The following MDM1 variants were observed in gnomAD, a reference collection of about 807,000 sequenced individuals.
The protein encoded by MDM1 is stabilizer of axonemal microtubules 6.
Under a neutral mutation model 89.1 loss-of-function variants are expected in MDM1, and 61 were observed. That is an observed-to-expected ratio of 0.68 (90% CI 0.56 to 0.85). MDM1 has a LOEUF of 0.85. Among genes scored for constraint, MDM1 ranks in the 40% least tolerant of loss-of-function variants. MDM1 has a pLI of 0.00. For synonymous variants in MDM1, 290 were observed against 294.1 expected, an observed-to-expected ratio of 0.99 and a Z score of 0.14; for missense variants, 820 against 846.5, an observed-to-expected ratio of 0.97 and a Z score of 0.39.
intron 7 of MDM1, among the ~76,000 whole-genome samples, chr12:68,319,064 CCAATCGATGATGAAAA>C (rs1221363759): frequency 6.6e-6 from 1 of 152,100 alleles, no homozygotes; most frequent in Non-Finnish European, 1.5e-5. Context: ...ATCACCTCAA[CCAATCGATGATGAAAA>C]GATTACCTAA....
At chr12:68,309,995 G>T (rs372457182) in intron 12 of MDM1, among the ~76,000 whole-genome samples, 1 of 152,218 alleles carries the variant, frequency 6.6e-6, no homozygotes, top group African/African-American at 2.4e-5. Flanking sequence ...GGTTTGGAGA[G>T]AGTCTTCCTC....
chr12:68,305,580 CAAA>C (rs1872758189), intron 12 of MDM1, among the ~76,000 whole-genome samples: 1 of 151,996 alleles, frequency 6.6e-6, no homozygotes, highest in African/African-American at 2.4e-5. Flanking sequence ...AATTAACGTA[CAAA>C]AATCAGTAGC....
intron 2 of MDM1, 163 bp from the exon 3 acceptor site, chr12:68,327,184 C>A (rs1040272834): frequency 5.8e-6 from 8 of 1,389,588 alleles, no homozygotes; most frequent in Non-Finnish European, 7.5e-6. Flanking sequence ...TTTAAAAGTA[C>A]AGCTTTTCAA....
At chr12:68,320,533 C>A (rs1202763930) in intron 7 of MDM1, among the ~76,000 whole-genome samples, 1 of 152,174 alleles carries the variant, frequency 6.6e-6, no homozygotes, top group South Asian at 2.1e-4. Context: ...CGAGCACCAG[C>A]CCCTTCCCCC....
chr12:68,324,938 A>T, intron 4 of MDM1: 1 of 893,096 alleles, frequency 1.1e-6, no homozygotes, highest in Non-Finnish European at 1.3e-6. Flanking sequence ...GAATTTTACA[A>T]ATATAGTTAT....
At chr12:68,315,402 T>C (rs1874353630) in intron 9 of MDM1, 137 bp from the exon 10 acceptor site, 1 of 756,886 alleles carries the variant, frequency 1.3e-6, no homozygotes, top group African/African-American at 1.8e-5. Flanking sequence ...TGCTCAGGTA[T>C]TGAAGAAGGA....
chr12:68,324,714 T>G (rs1458173800), intron 4 of MDM1, among the ~76,000 whole-genome samples: 3 of 152,170 alleles, frequency 2.0e-5, no homozygotes, highest in Admixed American at 6.5e-5. Flanking sequence ...AAAAACAGAC[T>G]AAGCCATTAC....
At chr12:68,317,974 T>C (rs1047648062) in intron 7 of MDM1, among the ~76,000 whole-genome samples, 14 of 152,180 alleles carry the variant, frequency 9.2e-5, no homozygotes, top group African/African-American at 3.4e-4. Context: ...TTACTGGAAT[T>C]AATTGCACAT....
chr12:68,331,224 G>A lies in MDM1; in HGVS notation c.19-3C>T. ...TTCCTCTGGTATTCACTCAGCCCCT[G>A]TAATGCAAAGTACACTTTTGAGTAC... On this transcript the variant is annotated splice_region_variant and splice_polypyrimidine_tract_variant and intron_variant, in intron 1 of 14. Transcript: ENST00000682720. 1 of 1,443,550 alleles carries A rather than the reference G, an allele frequency of 6.9e-7. No homozygotes were observed. The allele number at this position is 1,443,550 out of a possible 1,614,324, so 89.4% of individuals were successfully genotyped here. A position where few individuals can be genotyped will look rare whatever the true frequency, so the allele number is the denominator to read the frequency against.
intron 4 of MDM1, chr12:68,325,190 T>C: frequency 9.1e-7 from 1 of 1,097,730 alleles, no homozygotes. Flanking sequence ...CAAGTTTTCA[T>C]TACCCTGTCT....
intron 13 of MDM1, among the ~76,000 whole-genome samples, chr12:68,299,315 C>T (rs1208511241): frequency 6.6e-6 from 1 of 151,770 alleles, no homozygotes; most frequent in East Asian, 1.9e-4. Context: ...TACCAGATAA[C>T]AAATTCAGAA....
intron 1 of MDM1, 90 bp downstream of exon 1, chr12:68,332,138 G>T: frequency 6.7e-7 from 1 of 1,498,332 alleles, no homozygotes; most frequent in Non-Finnish European, 9.0e-7. Context: ...GAGGGCTGCA[G>T]CGCAGAAAAG....
At chr12:68,298,338 G>A (rs1395398339) in intron 13 of MDM1, among the ~76,000 whole-genome samples, 1 of 152,172 alleles carries the variant, frequency 6.6e-6, no homozygotes, top group Non-Finnish European at 1.5e-5. Context: ...AGGAGTCCCA[G>A]ATCTTTCCAC....
rs1874015024 is a variant in MDM1, at chr12:68,313,634, T to A, written c.1639+10A>T. On this transcript the variant is annotated intron_variant, in intron 11 of 14. Coordinates refer to ENST00000682720, the MANE Select transcript of MDM1 (RefSeq NM_001354969.2). ...GGTTAAATAAGAACTGCACGGTGTT[T>A]GCCGATTACCAACAGCTGGAGTAGT... 6 of 1,612,370 alleles carry A rather than the reference T, an allele frequency of 3.7e-6. No homozygotes were observed. The highest frequency in any genetic ancestry group is 4.2e-6 in the Non-Finnish European group (5 of 1,178,438).
Position 68,316,113 on chromosome 12 carries a change from G to T in MDM1, c.1176C>A (p.Thr392=), listed in dbSNP as rs771975923. ...CTAATGCTCTGATGTTGCTACTAAC[G>T]GTTCCTTCTGAGCTTGTGGTTGAGG... ...DVSSTTSSEG[T]VSSNIRALDL... is the part of the protein sequence containing the mutation. The change falls in exon 9 of 15, where the codon ACC becomes ACA. Residue 392 remains threonine (T), a synonymous_variant. Coordinates refer to ENST00000682720, the MANE Select transcript of MDM1 (RefSeq NM_001354969.2). The T allele has an allele frequency of 6.2e-7, 1 of 1,612,390 alleles. No individual in the cohort carries two copies. The highest frequency in any genetic ancestry group is 2.2e-5 in the East Asian group (1 of 44,796).
chr12:68,326,592 G>A (rs1876016738), intron 3 of MDM1, 65 bp downstream of exon 3: 2 of 1,613,846 alleles, frequency 1.2e-6, no homozygotes, highest in Non-Finnish European at 1.7e-6. Context: ...TAATATTACA[G>A]AAATGACAAT....
intron 12 of MDM1, among the ~76,000 whole-genome samples, chr12:68,305,695 G>A (rs1399572803): frequency 6.6e-6 from 1 of 152,078 alleles, no homozygotes; most frequent in Non-Finnish European, 1.5e-5. Context: ...AGCTAACCAA[G>A]GAGGTGAAAG....
rs1363455245 is a variant in MDM1, at chr12:68,326,102, G to A, written c.499-527C>T. 9 of 1,003,132 alleles carry A rather than the reference G, an allele frequency of 9.0e-6. No homozygotes were observed. In the Admixed American group the frequency reaches 4.8e-4, roughly 54 times the overall value. The allele number at this position is 1,003,132 out of a possible 1,614,324, so 62.1% of individuals were successfully genotyped here. A position where few individuals can be genotyped will look rare whatever the true frequency, so the allele number is the denominator to read the frequency against. ...GGAACAGAATGGAGAAAGAAATGTG[G>A]AAAGCATTGAGATCCCCACACAAGT... On this transcript the variant is annotated intron_variant, in intron 3 of 14. Transcript: ENST00000682720.
Position 68,326,325 on chromosome 12 carries a change from C to T in MDM1, c.498+332G>A, listed in dbSNP as rs1036536853. 9.5e-6 allele frequency: 13 copies of T among 1,371,794 alleles called. No individual in the cohort carries two copies. In the African/African-American group the frequency reaches 1.5e-4, roughly 15 times the overall value. The allele number at this position is 1,371,794 out of a possible 1,614,324, so 85.0% of individuals were successfully genotyped here. A position where few individuals can be genotyped will look rare whatever the true frequency, so the allele number is the denominator to read the frequency against. On this transcript the variant is annotated intron_variant, in intron 3 of 14. Transcript: ENST00000682720. ...AGGTAGAAGTCAGCTCAGCACCCTG[C>T]CAGAAGTAAGGGCCTACTTCCCTTC...
Sources: allele counts gnomAD v4.1 joint callset (sites outside exome capture counted in the v4.1 genomes callset), GRCh38; gene constraint gnomAD v4.1.1; transcripts MANE v1.5; gene names NCBI Gene and HGNC (gene_info 2026-07-23, HGNC 2026-07-21).